Variants in FCRL1 observed in about 807,000 individuals in gnomAD.
FCRL1 encodes Fc receptor like 1, also known as Fc receptor-like protein 1.
A neutral mutation model predicts 49.2 loss-of-function variants in FCRL1; 34 were observed. The observed-to-expected ratio is 0.69, with a 90% CI of 0.53 to 0.92. FCRL1 has a LOEUF of 0.92. Ranked by LOEUF, FCRL1 falls within the 40% of genes least tolerant of loss-of-function variation. The probability of loss-of-function intolerance (pLI) is 0.00; values close to 1 mark genes in which losing one functional copy is unlikely to be tolerated. For missense variants in FCRL1, 524 were observed against 524.1 expected, an observed-to-expected ratio of 1.00 and a Z score of 0.00; for synonymous variants, 218 against 201.6, an observed-to-expected ratio of 1.08 and a Z score of -0.69.
chr1:157,802,816 T>C (rs1652759170), intron 3 of FCRL1, 152 bp from the exon 4 acceptor site: 1 of 721,706 alleles, frequency 1.4e-6, no homozygotes. Flanking sequence ...GTCTGCTGAT[T>C]GGTTGGGTGA....
rs1348551253 is a variant in FCRL1, at chr1:157,802,644, T to G, written c.340A>C (p.Ser114Arg). ...NVHRVPVADV[S>R]LETQPPGGQV... Reference sequence around the variant, plus strand: ...CCTCCTGGGGGCTGAGTCTCCAAGCTCACATCAGCGACAGGGACCCCTGTG... The same window carrying G: ...CCTCCTGGGGGCTGAGTCTCCAAGCGCACATCAGCGACAGGGACCCCTGTG... The change falls in exon 4 of 11, where the codon AGC (serine) becomes CGC (arginine). Residue 114 changes from serine (S) to arginine (R), a missense_variant. Transcript: ENST00000368176. 8 of 1,613,440 alleles carry G rather than the reference T, an allele frequency of 5.0e-6. No homozygotes were observed. Among genetic ancestry groups the G allele is most frequent in the Admixed American group, 1.7e-5 (1 of 59,982 alleles).
chr1:157,798,149 G>T lies in FCRL1; in HGVS notation c.1114+12C>A. 1 of 1,608,040 alleles carries T rather than the reference G, an allele frequency of 6.2e-7. No homozygotes were observed. Among genetic ancestry groups the T allele is most frequent in the South Asian group, 1.1e-5 (1 of 90,200 alleles). On this transcript the variant is annotated intron_variant, in intron 8 of 10. Transcript: ENST00000368176. ...GTACCATCGTTGGCCTGGGCCATTT[G>T]GGAAGGCTCACCATTTTCATATATA...
Position 157,819,563 on chromosome 1 carries a change from G to A in FCRL1, c.31+444C>T, listed in dbSNP as rs910443400. Among the ~76,000 whole-genome samples, 2 of 152,116 alleles carry A rather than the reference G, an allele frequency of 1.3e-5. 1 individual carries two copies. Among genetic ancestry groups the A allele is most frequent in the South Asian group, 4.2e-4 (2 of 4,818 alleles). On this transcript the variant is annotated intron_variant, in intron 1 of 10. Coordinates refer to ENST00000368176, the MANE Select transcript of FCRL1 (RefSeq NM_052938.5). Reference sequence around the variant, plus strand: ...TGAGCTAGAAACACAACTTAGTGGGGGTGGGGGATGTATGCTGAAAACAAA... The same window carrying A: ...TGAGCTAGAAACACAACTTAGTGGGAGTGGGGGATGTATGCTGAAAACAAA...
chr1:157,797,721 C>A, intron 9 of FCRL1, 147 bp downstream of exon 9: 1 of 1,554,858 alleles, frequency 6.4e-7, no homozygotes, highest in Non-Finnish European at 8.7e-7. Context: ...TAGCTCCAGA[C>A]CCAAGGACAG....
chr1:157,807,886 G>C (rs1234379181), intron 1 of FCRL1, among the ~76,000 whole-genome samples: 2 of 152,182 alleles, frequency 1.3e-5, no homozygotes, highest in Non-Finnish European at 1.5e-5. Flanking sequence ...TGTCGGTAAA[G>C]TGTAGATAAT....
At chr1:157,799,372 C>A (rs1169068629) in intron 7 of FCRL1, among the ~76,000 whole-genome samples, 2 of 152,148 alleles carry the variant, frequency 1.3e-5, no homozygotes, top group Non-Finnish European at 2.9e-5. Context: ...TACCCATGAG[C>A]ATGGAATGTT....
chr1:157,819,003 G>A (rs1036210650), intron 1 of FCRL1, among the ~76,000 whole-genome samples: 9 of 152,142 alleles, frequency 5.9e-5, no homozygotes, highest in East Asian at 1.9e-4. Flanking sequence ...CAATATATTC[G>A]TGGTAGGGGA....
chr1:157,815,663 GAGTC>G (rs1204448713), intron 1 of FCRL1, among the ~76,000 whole-genome samples: 1 of 151,662 alleles, frequency 6.6e-6, no homozygotes, highest in Non-Finnish European at 1.5e-5. Flanking sequence ...TCAATGAAAT[GAGTC>G]AGTCTTTTAA....
At chr1:157,808,334 T>C (rs1653788730) in intron 1 of FCRL1, among the ~76,000 whole-genome samples, 1 of 152,186 alleles carries the variant, frequency 6.6e-6, no homozygotes, top group South Asian at 2.1e-4. Context: ...ATACAGAGCA[T>C]CTTAAGATGG....
In FCRL1 at chr1:157,802,184, G is replaced by A. The variant is rs1652621095; in HGVS notation, c.617C>T (p.Ser206Phe). Reference protein sequence around the residue: ...LVSITVRIPVSRPILMLRAPR... With the variant: ...LVSITVRIPVFRPILMLRAPR... ...AGCCCTGAGCATGAGGATTGGGCGA[G>A]ACACCGGGACTGAGGGAGACAGTAG... Residue 206 changes from serine (S) to phenylalanine (F), a missense_variant, in exon 5 of 11, where the codon TCT becomes TTT. By Grantham distance (155) the Ser-to-Phe change is radical (BLOSUM62 -2). Coordinates refer to ENST00000368176, the MANE Select transcript of FCRL1 (RefSeq NM_052938.5). 1.2e-6 allele frequency: 2 copies of A among 1,613,092 alleles called. No individual in the cohort carries two copies. Among genetic ancestry groups the A allele is most frequent in the Non-Finnish European group, 1.7e-6 (2 of 1,179,430 alleles).
At chr1:157,815,454 C>A (rs1654893395) in intron 1 of FCRL1, among the ~76,000 whole-genome samples, 1 of 151,618 alleles carries the variant, frequency 6.6e-6, no homozygotes, top group Non-Finnish European at 1.5e-5. Flanking sequence ...ATAGCAAAAG[C>A]AATTCTGAAA....
rs942482506 is a variant in FCRL1, at chr1:157,796,260, T to C, written c.1219-90A>G. On this transcript the variant is annotated intron_variant, in intron 10 of 10. Transcript: ENST00000368176. ...CCCCAGTTAGCTTGGATGCATCTTA[T>C]CATGGCACATCACGCAATGCAAAAA... The C allele has an allele frequency of 3.9e-6, 4 of 1,017,736 alleles. No homozygotes were observed. In the Admixed American group the frequency reaches 7.2e-5, roughly 18 times the overall value. 63.0% of individuals were successfully genotyped at this position (1,017,736 alleles called of 1,614,324 possible). A position where few individuals can be genotyped will look rare whatever the true frequency, so the allele number is the denominator to read the frequency against.
At position 157,801,545 on chromosome 1, in the gene FCRL1, A is replaced by G; in HGVS notation, c.919T>C (p.Ser307Pro). 2.5e-6 allele frequency: 4 copies of G among 1,613,918 alleles called. No individual in the cohort carries two copies. The East Asian group carries it at 6.7e-5, about 27-fold the overall frequency. The change falls in exon 6 of 11, where the codon TCA becomes CCA. Residue 307 changes from serine to proline, a missense_variant. Ser to Pro is a moderately conservative substitution (Grantham distance 74, BLOSUM62 -1). Coordinates refer to ENST00000368176, the MANE Select transcript of FCRL1 (RefSeq NM_052938.5). ...PTGARSNHLTSGVIEGLLSTL... is the reference protein window; with the variant it reads ...PTGARSNHLTPGVIEGLLSTL... ...CTGAGCAGCCCCTCAATGACTCCTG[A>G]GGTAAGATGATTGCTTCTGGCCCCA... is the stretch of plus-strand genomic sequence containing the variant.
At chr1:157,809,946 A>G (rs962352752) in intron 1 of FCRL1, among the ~76,000 whole-genome samples, 2 of 152,040 alleles carry the variant, frequency 1.3e-5, no homozygotes, top group Non-Finnish European at 2.9e-5. Flanking sequence ...ATAATTTAGC[A>G]AAGAAACTGA....
In FCRL1 at chr1:157,798,221, G is replaced by A. The variant is rs1358502436; in HGVS notation, c.1054C>T (p.Gln352Ter). 3.7e-6 allele frequency: 6 copies of A among 1,612,592 alleles called. No individual in the cohort carries two copies. Among genetic ancestry groups the A allele is most frequent in the Admixed American group, 3.3e-5 (2 of 59,772 alleles). Residue 352 changes from glutamine to a stop codon, truncating the protein, a stop_gained, in exon 8 of 11, where the codon CAA (glutamine) becomes TAA (stop). Coordinates refer to ENST00000368176, the MANE Select transcript of FCRL1 (RefSeq NM_052938.5). LOFTEE classifies it high-confidence loss of function. ...PLRSLPSPLP[Q>*]EFTYLNSPTP... ...GGTGAGTTGAGGTAGGTGAACTCTTGGGGTAGAGGGCTGGGAAGGCTCCTG... is the reference window on the plus strand; with the variant it reads ...GGTGAGTTGAGGTAGGTGAACTCTTAGGGTAGAGGGCTGGGAAGGCTCCTG...
In FCRL1 at chr1:157,795,936, C is replaced by A. The variant is rs1001453637; in HGVS notation, c.*163G>T. The A allele has an allele frequency of 6.5e-6, 4 of 619,380 alleles. No homozygotes were observed. In the African/African-American group the frequency reaches 7.3e-5, roughly 11 times the overall value. 38.4% of individuals were successfully genotyped at this position (619,380 alleles called of 1,614,324 possible). A position where few individuals can be genotyped will look rare whatever the true frequency, so the allele number is the denominator to read the frequency against. ...GTTCTCCTAGGTAGTTTCTTCAGGG[C>A]TGCGCCAACTTCACTTCACAGTAGA... On this transcript the variant is annotated 3_prime_UTR_variant, in exon 11 of 11. Coordinates refer to ENST00000368176, the MANE Select transcript of FCRL1 (RefSeq NM_052938.5).
rs1386914230 is a variant in FCRL1, at chr1:157,807,109, T to C, written c.45A>G (p.Glu15=). Residue 15 remains glutamate (E), a synonymous_variant, in exon 2 of 11, where the codon GAA becomes GAG. Transcript: ENST00000368176. ...LLLLICAPLC[E]PAELFLIASP... ...AAAGGAAGTGCAACTCACCGGCAGG[T>C]TCACAGAGTGGAGCTGGGAGAGAAT... 1 of 1,613,534 alleles carries C rather than the reference T, an allele frequency of 6.2e-7. No homozygotes were observed. The highest frequency in any genetic ancestry group is 8.5e-7 in the Non-Finnish European group (1 of 1,179,812).
In FCRL1 at chr1:157,803,849, C is replaced by T. The variant is rs201451114; in HGVS notation, c.315G>A (p.Val105=). 3.1e-6 allele frequency: 5 copies of T among 1,613,758 alleles called. No individual in the cohort carries two copies. The highest frequency in any genetic ancestry group is 4.2e-6 in the Non-Finnish European group (5 of 1,179,728). The change falls in exon 3 of 11, where the codon GTG becomes GTA. Residue 105 remains valine, a synonymous_variant. Coordinates refer to ENST00000368176, the MANE Select transcript of FCRL1 (RefSeq NM_052938.5). ...ACTGACCCCACTGACACTCACTGTGCACATTTATCTGGGATCTCCTGCTCC... is the reference window on the plus strand; with the variant it reads ...ACTGACCCCACTGACACTCACTGTGTACATTTATCTGGGATCTCCTGCTCC... ...VLRSRRSQIN[V]HRVPVADVSL... is the part of the protein sequence containing the mutation.
At chr1:157,800,139 C>T in intron 6 of FCRL1, 54 bp from the exon 7 acceptor site, 2 of 1,566,188 alleles carry the variant, frequency 1.3e-6, no homozygotes, top group Non-Finnish European at 1.8e-6. Context: ...TCACTGTCAG[C>T]ACTGTCAGTG....
Sources: gnomAD v4.1 joint callset for allele counts (sites outside exome capture counted in the v4.1 genomes callset) on GRCh38, gnomAD v4.1.1 for gene constraint, MANE v1.5 for transcripts, NCBI Gene and HGNC (gene_info 2026-07-23, HGNC 2026-07-21) for gene names.